Variants in LINGO2 observed in about 807,000 individuals in gnomAD.
The protein encoded by LINGO2 is leucine rich repeat and Ig domain containing 2, also known as leucine-rich repeat and immunoglobulin-like domain-containing nogo receptor-interacting protein 2.
Under a neutral mutation model 30.6 loss-of-function variants are expected in LINGO2, and 14 were observed. The observed-to-expected ratio is 0.46, with a 90% CI of 0.30 to 0.72. LINGO2 has a LOEUF of 0.72. Among genes scored for constraint, LINGO2 ranks in the 30% least tolerant of loss-of-function variants. LINGO2 has a pLI of 0.07. For synonymous variants in LINGO2, 317 were observed against 288.5 expected, an observed-to-expected ratio of 1.10 and a Z score of -1.00; for missense variants, 729 against 751.7, an observed-to-expected ratio of 0.97 and a Z score of 0.35.
chr9:28,929,267 T>A, the LINGO2 span, among the ~76,000 whole-genome samples: 1 of 152,066 alleles, frequency 6.6e-6, no homozygotes. Flanking sequence ...CCAAGCAGAG[T>A]TCAGTTCTTT....
At chr9:28,445,472 A>T (rs755710899) in intron 2 of LINGO2, among the ~76,000 whole-genome samples, 30 of 152,226 alleles carry the variant, frequency 2.0e-4, no homozygotes, top group Non-Finnish European at 3.5e-4. Context: ...ACAGGAAATA[A>T]ACTGGAGAAA....
chr9:28,632,881 TAGAGAGAGAGAGAGAG>T (rs36101397), intron 1 of LINGO2, among the ~76,000 whole-genome samples: 3 of 61,894 alleles, frequency 4.8e-5, no homozygotes, highest in Middle Eastern at 6.7e-3. Flanking sequence ...TATATATATG[TAGAGAGAGAGAGAGAG>T]AGAGAGAGAG....
At chr9:28,522,654 T>C (rs1587801250) in intron 1 of LINGO2, among the ~76,000 whole-genome samples, 1 of 152,156 alleles carries the variant, frequency 6.6e-6, no homozygotes, top group South Asian at 2.1e-4. Flanking sequence ...AATTGAAATA[T>C]ATAAAATATG....
chr9:29,152,155 A>C, the LINGO2 span, among the ~76,000 whole-genome samples: 4 of 152,060 alleles, frequency 2.6e-5, no homozygotes, highest in African/African-American at 7.2e-5. Flanking sequence ...ATTAAAAAGC[A>C]AAAAAACAAT....
At chr9:27,965,779 A>T (rs1053634346) in intron 5 of LINGO2, among the ~76,000 whole-genome samples, 3 of 151,960 alleles carry the variant, frequency 2.0e-5, no homozygotes, top group Non-Finnish European at 2.9e-5. Context: ...GATGAAAGTG[A>T]TTTTTGTCTA....
At chr9:29,174,424 A>G in the LINGO2 span, among the ~76,000 whole-genome samples, 18 of 152,204 alleles carry the variant, frequency 1.2e-4, no homozygotes, top group Non-Finnish European at 2.4e-4. Context: ...ACTGTTCTCA[A>G]ACCTTCATGT....
chr9:28,665,892 T>A (rs544865943), intron 1 of LINGO2, among the ~76,000 whole-genome samples: 1 of 138,122 alleles, frequency 7.2e-6, no homozygotes, highest in Admixed American at 7.3e-5. Flanking sequence ...TTGGTGTTAC[T>A]TTTTTTTTTT....
chr9:29,089,642 A>C, the LINGO2 span, among the ~76,000 whole-genome samples: 1 of 152,036 alleles, frequency 6.6e-6, no homozygotes, highest in Non-Finnish European at 1.5e-5. Flanking sequence ...TCTTACTGCA[A>C]TTTTATAACA....
chr9:28,074,319 T>A (rs1825563113), intron 4 of LINGO2, among the ~76,000 whole-genome samples: 1 of 152,192 alleles, frequency 6.6e-6, no homozygotes, highest in African/African-American at 2.4e-5. Flanking sequence ...GTAATGATAG[T>A]GTAAATCCAT....
At chr9:29,074,416 T>G in the LINGO2 span, among the ~76,000 whole-genome samples, 1 of 152,158 alleles carries the variant, frequency 6.6e-6, no homozygotes, top group Admixed American at 6.6e-5. Context: ...TTAGTGACAC[T>G]AATTTTCATA....
chr9:28,985,914 G>A, the LINGO2 span, among the ~76,000 whole-genome samples: 1 of 151,832 alleles, frequency 6.6e-6, no homozygotes, highest in Admixed American at 6.6e-5. Context: ...ACTTTGGGGG[G>A]TCAAATAAAA....
chr9:28,096,753 T>C (rs919716767), intron 4 of LINGO2, among the ~76,000 whole-genome samples: 8 of 151,980 alleles, frequency 5.3e-5, no homozygotes, highest in African/African-American at 1.9e-4. Context: ...TCCAATTGCA[T>C]ATACTCAAAC....
intron 4 of LINGO2, among the ~76,000 whole-genome samples, chr9:28,246,701 T>A (rs1822011926): frequency 1.3e-5 from 2 of 152,226 alleles, no homozygotes; most frequent in Middle Eastern, 3.4e-3. Flanking sequence ...GGGAAAAGCT[T>A]GTATGATGAC....
chr9:28,608,678 A>C (rs1825791463), intron 1 of LINGO2, among the ~76,000 whole-genome samples: 1 of 151,922 alleles, frequency 6.6e-6, no homozygotes, highest in Non-Finnish European at 1.5e-5. Context: ...TCCAAAATGA[A>C]ACATCATTTG....
chr9:28,400,111 C>T (rs1196583684), intron 2 of LINGO2, among the ~76,000 whole-genome samples: 1 of 152,148 alleles, frequency 6.6e-6, no homozygotes, highest in African/African-American at 2.4e-5. Flanking sequence ...GTGTCTGAAG[C>T]AGACAGAGTG....
intron 1 of LINGO2, among the ~76,000 whole-genome samples, chr9:28,640,995 T>C (rs1588010295): frequency 2.0e-5 from 3 of 152,204 alleles, no homozygotes; most frequent in Admixed American, 2.0e-4. Flanking sequence ...GACGTACAGA[T>C]GGGGTTTTGG....
rs74754255 is a variant in LINGO2 at position 28,368,186 on chromosome 9, G to C, written c.-246+4650C>G. Among the ~76,000 whole-genome samples the C allele has an allele frequency of 5.6e-3, 849 of 151,400 alleles. 27 individuals are homozygous for C. The East Asian group carries it at 0.098, about 18-fold the overall frequency. On this transcript the variant is annotated intron_variant, in intron 3 of 5. Coordinates refer to ENST00000379992, the Ensembl canonical transcript of LINGO2. ...CCCTGCATTGTCTTATTTTTTTTCT[G>C]TTTGTATTGGTGTTCTTCTTTCATG...
intron 1 of LINGO2, among the ~76,000 whole-genome samples, chr9:28,611,818 T>C (rs1825928062): frequency 6.7e-6 from 1 of 149,748 alleles, no homozygotes; most frequent in Admixed American, 6.6e-5. Flanking sequence ...TTTTATTTTA[T>C]TTATTTATTT....
the LINGO2 span, among the ~76,000 whole-genome samples, chr9:28,708,697 G>A: frequency 6.6e-6 from 1 of 151,750 alleles, no homozygotes; most frequent in East Asian, 1.9e-4. Flanking sequence ...CTTTGCCTCA[G>A]CCACCCTCCA....
Sources: gnomAD v4.1 joint callset for allele counts (sites outside exome capture counted in the v4.1 genomes callset) on GRCh38, gnomAD v4.1.1 for gene constraint, MANE v1.5 for transcripts, NCBI Gene and HGNC (gene_info 2026-07-23, HGNC 2026-07-21) for gene names.